The following PKD2L2 variants were observed in gnomAD, a reference collection of about 807,000 sequenced individuals.
PKD2L2 encodes the protein polycystin-2-like protein 2.
In PKD2L2, 67 loss-of-function variants were observed where a neutral mutation model predicts 83.9. The ratio of observed to expected loss-of-function variants is 0.80; its 90% CI spans 0.66 to 0.98. The LOEUF is 0.98. Ranked by LOEUF, PKD2L2 falls within the 50% of genes least tolerant of loss-of-function variation. PKD2L2 has a pLI of 0.00. For synonymous variants in PKD2L2, 223 were observed against 237.8 expected, an observed-to-expected ratio of 0.94 and a Z score of 0.57; for missense variants, 632 against 717.2, an observed-to-expected ratio of 0.88 and a Z score of 1.36.
chr5:137,899,908 GA>G (rs930087542), intron 5 of PKD2L2, among the ~76,000 whole-genome samples, 171 bp downstream of exon 5: 3 of 151,510 alleles, frequency 2.0e-5, no homozygotes, highest in African/African-American at 7.3e-5. Context: ...GTGACAATTT[GA>G]AAAAACTCCC....
At chr5:137,892,885 A>C (rs781312284) in intron 3 of PKD2L2, among the ~76,000 whole-genome samples, 52 of 152,144 alleles carry the variant, frequency 3.4e-4, no homozygotes, top group Non-Finnish European at 3.5e-4. Flanking sequence ...AGGCGGGTGG[A>C]TCACCTGAGG....
chr5:137,940,540 C>A, intron 14 of PKD2L2: 1 of 538,190 alleles, frequency 1.9e-6, no homozygotes, highest in Non-Finnish European at 3.2e-6. Context: ...TTTTGATGGA[C>A]TTCTCTACTG....
Position 137,938,539 on chromosome 5 carries a change from T to C in PKD2L2, c.*17+2112T>C, listed in dbSNP as rs574812426. The C allele has an allele frequency of 3.9e-5, 6 of 152,730 alleles. No homozygotes were observed. In the East Asian group the frequency reaches 9.6e-4, roughly 25 times the overall value. The allele number at this position is 152,730 out of a possible 1,614,324, so 9.5% of individuals were successfully genotyped here. Reference sequence around the variant, plus strand: ...ATTTTCAATTTCACTTTTCTAGGTATACATTATGAATAACCTAGTTGTATC... The same window carrying C: ...ATTTTCAATTTCACTTTTCTAGGTACACATTATGAATAACCTAGTTGTATC... On this transcript the variant is annotated intron_variant, in intron 14 of 14. Transcript: ENST00000508883.
chr5:137,900,543 T>A lies in PKD2L2; in HGVS notation c.746+806T>A, dbSNP rs144341738. Among the ~76,000 whole-genome samples the A allele has an allele frequency of 2.2e-3, 337 of 152,270 alleles. 2 individuals are homozygous for A. Among genetic ancestry groups the A allele is most frequent in the African/African-American group, 7.9e-3 (328 of 41,552 alleles). ...TGCCCACGATTTCAAGATAAATGAA[T>A]CCAGAAACTAAGGACCATTGCCCTG... On this transcript the variant is annotated intron_variant, in intron 5 of 14. Transcript: ENST00000508883.
chr5:137,905,107 T>C (rs953140263), intron 5 of PKD2L2, among the ~76,000 whole-genome samples: 1 of 152,220 alleles, frequency 6.6e-6, no homozygotes, highest in Non-Finnish European at 1.5e-5. Flanking sequence ...TAACTGGCTT[T>C]AAGTCACATG....
At chr5:137,933,564 T>G (rs80225375) in intron 12 of PKD2L2, among the ~76,000 whole-genome samples, 61 of 152,292 alleles carry the variant, frequency 4.0e-4, no homozygotes, top group African/African-American at 1.5e-3. Flanking sequence ...AAGGCTACAG[T>G]TGGTATTTAT....
intron 12 of PKD2L2, among the ~76,000 whole-genome samples, chr5:137,930,544 G>A (rs557226008): frequency 6.7e-4 from 102 of 151,722 alleles, no homozygotes; most frequent in African/African-American, 2.4e-3. Flanking sequence ...GGTGGCACAC[G>A]CCTATAATCC....
chr5:137,903,025 G>C (rs947428124), intron 5 of PKD2L2, among the ~76,000 whole-genome samples: 1 of 152,246 alleles, frequency 6.6e-6, no homozygotes, highest in Non-Finnish European at 1.5e-5. Context: ...CCACCTCCAA[G>C]TGTAGTGGCT....
At chr5:137,916,238 C>T (rs182942173) in intron 8 of PKD2L2, among the ~76,000 whole-genome samples, 9 of 151,790 alleles carry the variant, frequency 5.9e-5, no homozygotes, top group East Asian at 1.9e-4. Flanking sequence ...TGCAGTGGCA[C>T]GATCTCGGCT....
intron 4 of PKD2L2, among the ~76,000 whole-genome samples, chr5:137,895,663 A>C (rs556682272): frequency 5.1e-4 from 78 of 152,092 alleles, no homozygotes; most frequent in African/African-American, 1.6e-3. Context: ...GGATTATTTG[A>C]GTTCAGGAGT....
rs1343223696 is a variant in PKD2L2, at chr5:137,899,702, A to G, written c.711A>G (p.Leu237=). The stretch of plus-strand genomic sequence containing the variant: ...GAGTTATTTTTATTGATTTTTCCTT[A>G]TATAATGCTAATGTAAATCTATTTT... ...GTRVIFIDFS[L]YNANVNLFCI... The change falls in exon 5 of 15, where the codon TTA becomes TTG. Residue 237 remains leucine, a synonymous_variant. Coordinates refer to ENST00000508883, the MANE Select transcript of PKD2L2 (RefSeq NM_001300921.2). The G allele has an allele frequency of 6.2e-7, 1 of 1,608,628 alleles. No individual in the cohort carries two copies. Among genetic ancestry groups the G allele is most frequent in the African/African-American group, 1.3e-5 (1 of 74,896 alleles).
At chr5:137,906,762 C>T (rs114568995) in intron 6 of PKD2L2, among the ~76,000 whole-genome samples, 1,716 of 80,840 alleles carry the variant, frequency 0.021, 30 homozygotes, top group African/African-American at 0.056. Context: ...TCACCAGTCA[C>T]GGGTCTTTGG....
intron 14 of PKD2L2, among the ~76,000 whole-genome samples, chr5:137,937,136 A>T (rs1401099018): frequency 2.0e-5 from 3 of 152,204 alleles, no homozygotes; most frequent in Non-Finnish European, 4.4e-5. Context: ...TTGGCCACAG[A>T]TAAATTAATA....
chr5:137,904,295 C>T (rs1191165451), intron 5 of PKD2L2, among the ~76,000 whole-genome samples: 3 of 152,046 alleles, frequency 2.0e-5, no homozygotes, highest in Non-Finnish European at 4.4e-5. Flanking sequence ...TTGGATCTGC[C>T]TGGGGATTTA....
intron 3 of PKD2L2, among the ~76,000 whole-genome samples, chr5:137,893,105 C>T (rs1756136350): frequency 6.6e-6 from 1 of 152,042 alleles, no homozygotes; most frequent in African/African-American, 2.4e-5. Flanking sequence ...TAGACATTCT[C>T]ATTTCATTTG....
chr5:137,938,826 T>G (rs1366324560), intron 14 of PKD2L2: 2 of 152,428 alleles, frequency 1.3e-5, no homozygotes, highest in Non-Finnish European at 2.9e-5. Context: ...TGGAATAAAT[T>G]GTTAATATTA....
chr5:137,909,726 G>A (rs1439857842), intron 8 of PKD2L2, among the ~76,000 whole-genome samples: 1 of 151,338 alleles, frequency 6.6e-6, no homozygotes, highest in Non-Finnish European at 1.5e-5. Flanking sequence ...GTAGAGATAA[G>A]GTTTAGCCAT....
intron 8 of PKD2L2, among the ~76,000 whole-genome samples, chr5:137,919,143 G>C (rs1418377496): frequency 6.6e-6 from 1 of 151,892 alleles, no homozygotes; most frequent in African/African-American, 2.4e-5. Context: ...ATGTTCTTTT[G>C]AAACATACTT....
intron 12 of PKD2L2, among the ~76,000 whole-genome samples, chr5:137,928,506 C>T (rs1158863514): frequency 6.6e-6 from 1 of 152,188 alleles, no homozygotes; most frequent in East Asian, 1.9e-4. Context: ...TCACAGCTCA[C>T]TGCAGCCTCG....
Sources: allele counts gnomAD v4.1 joint callset (sites outside exome capture counted in the v4.1 genomes callset), GRCh38; gene constraint gnomAD v4.1.1; transcripts MANE v1.5; gene names NCBI Gene and HGNC (gene_info 2026-07-23, HGNC 2026-07-21).